Variants in CHMP3 observed in about 807,000 individuals in gnomAD.
The protein encoded by CHMP3 is 25.1 protein.
CHMP3 carries 8 observed loss-of-function variants against 27.4 expected under a neutral mutation model. That is an observed-to-expected ratio of 0.29 (90% CI 0.17 to 0.53). CHMP3 has a LOEUF of 0.53. CHMP3 is among the 20% of genes least tolerant of loss of function. CHMP3 has a pLI of 0.96. For missense variants in CHMP3, 208 were observed against 271.5 expected (o/e 0.77, Z 1.64); for synonymous variants, 86 against 85.5 (o/e 1.01, Z -0.03).
chr2:86,515,984 T>C (rs911630890), intron 3 of CHMP3, among the ~76,000 whole-genome samples: 3 of 151,338 alleles, frequency 2.0e-5, no homozygotes, highest in Non-Finnish European at 2.9e-5. Context: ...CCGTCTCCAC[T>C]AAAAAATACA....
At chr2:86,509,048 CA>C (rs1674991495) in intron 4 of CHMP3, among the ~76,000 whole-genome samples, 1 of 151,692 alleles carries the variant, frequency 6.6e-6, no homozygotes, top group Non-Finnish European at 1.5e-5. Context: ...CTGGGATAAA[CA>C]GAATGACTAA....
intron 2 of CHMP3, among the ~76,000 whole-genome samples, chr2:86,535,211 C>T (rs1011417052): frequency 4.1e-5 from 6 of 148,020 alleles, no homozygotes; most frequent in South Asian, 2.1e-4. Flanking sequence ...AGCTGTGTCA[C>T]GACGCTGCAC....
chr2:86,510,853 G>T lies in CHMP3; in HGVS notation c.287-374C>A, dbSNP rs1426291401. On this transcript the variant is annotated intron_variant, in intron 3 of 5. Coordinates refer to ENST00000263856, the MANE Select transcript of CHMP3 (RefSeq NM_016079.4). ...CACACTAGGAAAGAGAAGGCTTCAGGACCCGAGCAGAGCTCCCCACACACC... is the reference window on the plus strand; with the variant it reads ...CACACTAGGAAAGAGAAGGCTTCAGTACCCGAGCAGAGCTCCCCACACACC... 6.7e-5 allele frequency: 14 copies of T among 210,470 alleles called. No individual in the cohort carries two copies. The South Asian group carries it at 8.0e-4, about 12-fold the overall frequency. 13.0% of individuals were successfully genotyped at this position (210,470 alleles called of 1,614,324 possible). A position where few individuals can be genotyped will look rare whatever the true frequency, so the allele number is the denominator to read the frequency against.
At chr2:86,516,000 C>A (rs1482402421) in intron 3 of CHMP3, among the ~76,000 whole-genome samples, 1 of 151,774 alleles carries the variant, frequency 6.6e-6, no homozygotes, top group South Asian at 2.1e-4. Flanking sequence ...ATACAAAAAC[C>A]AGCTGGGTGT....
intron 1 of CHMP3, among the ~76,000 whole-genome samples, chr2:86,551,578 C>A (rs561711155): frequency 4.0e-4 from 61 of 152,236 alleles, no homozygotes; most frequent in Non-Finnish European, 7.4e-4. Flanking sequence ...TTTTTATACT[C>A]CCCAACCACA....
At chr2:86,562,014 A>G (rs948206790) in intron 1 of CHMP3, 1 of 152,248 alleles carries the variant, frequency 6.6e-6, no homozygotes, top group Non-Finnish European at 1.5e-5. Context: ...GTGCATCTAT[A>G]TAATGTTCTA....
At chr2:86,532,887 T>C (rs1675983160) in intron 2 of CHMP3, among the ~76,000 whole-genome samples, 2 of 152,260 alleles carry the variant, frequency 1.3e-5, no homozygotes, top group Non-Finnish European at 1.5e-5. Context: ...CACTGGTCTA[T>C]AGTTTTCTTG....
At chr2:86,534,399 T>G (rs1183372202) in intron 2 of CHMP3, among the ~76,000 whole-genome samples, 1 of 152,034 alleles carries the variant, frequency 6.6e-6, no homozygotes, top group African/African-American at 2.4e-5. Context: ...TTTTGCCAAG[T>G]TGGCCAGGCT....
chr2:86,527,875 C>T (rs1573261708), intron 3 of CHMP3, among the ~76,000 whole-genome samples: 1 of 143,646 alleles, frequency 7.0e-6, no homozygotes, highest in Non-Finnish European at 1.5e-5. Context: ...GCGGGCGAAT[C>T]GCTTGAGCCT....
At chr2:86,544,743 T>C (rs2103993202) in intron 1 of CHMP3, among the ~76,000 whole-genome samples, 1 of 152,372 alleles carries the variant, frequency 6.6e-6, no homozygotes, top group Non-Finnish European at 1.5e-5. Context: ...TGTCTACTTC[T>C]TTCTACACAG....
At chr2:86,533,539 C>A (rs375007772) in intron 2 of CHMP3, among the ~76,000 whole-genome samples, 3 of 151,898 alleles carry the variant, frequency 2.0e-5, no homozygotes, top group Admixed American at 2.0e-4. Flanking sequence ...GTTTCACTCC[C>A]GTCACCCAGG....
intron 3 of CHMP3, among the ~76,000 whole-genome samples, chr2:86,528,107 T>C (rs1427966991): frequency 2.6e-5 from 4 of 152,158 alleles, no homozygotes; most frequent in Non-Finnish European, 4.4e-5. Context: ...TAATGATACA[T>C]TCATGGTTAG....
chr2:86,558,099 C>T (rs1677196533), intron 1 of CHMP3, among the ~76,000 whole-genome samples: 1 of 152,134 alleles, frequency 6.6e-6, no homozygotes, highest in African/African-American at 2.4e-5. Context: ...GGGCACTCTA[C>T]CCCAAGACTA....
chr2:86,511,991 A>G (rs967312521), intron 3 of CHMP3: 3 of 152,222 alleles, frequency 2.0e-5, no homozygotes, highest in African/African-American at 7.2e-5. Flanking sequence ...ACACAAAAAT[A>G]AACTTAGAAA....
intron 1 of CHMP3, among the ~76,000 whole-genome samples, chr2:86,549,633 G>A (rs1288057386): frequency 2.0e-5 from 3 of 149,228 alleles, no homozygotes; most frequent in African/African-American, 5.0e-5. Context: ...TCACCTCCCA[G>A]ACGGGGCGGC....
rs905243800 is a variant in CHMP3, at chr2:86,504,471, TAGG to T, written c.*1330_*1332del. ...ACTCTGAAGATGAAATCAAGAGTAATAGGAGGGTCCTCTGGACTCAAAAATGAA... is the reference window on the plus strand; with the variant it reads ...ACTCTGAAGATGAAATCAAGAGTAATAGGGTCCTCTGGACTCAAAAATGAA... On this transcript the variant is annotated 3_prime_UTR_variant, in exon 6 of 6. Coordinates refer to ENST00000263856, the MANE Select transcript of CHMP3 (RefSeq NM_016079.4). 2.6e-5 allele frequency: 4 copies of T among 151,070 alleles called. No individual in the cohort carries two copies. Among genetic ancestry groups the T allele is most frequent in the Non-Finnish European group, 5.9e-5 (4 of 67,914 alleles). 9.4% of individuals were successfully genotyped at this position (151,070 alleles called of 1,614,324 possible).
chr2:86,511,622 A>C (rs1310893543), intron 3 of CHMP3: 1 of 151,920 alleles, frequency 6.6e-6, no homozygotes, highest in Non-Finnish European at 1.5e-5. Context: ...TGGGAAGAAA[A>C]GGGTAAAAAT....
At position 86,536,946 on chromosome 2, in the gene CHMP3, G is replaced by T. The variant is rs117221764; in HGVS notation, c.106+5306C>A. On this transcript the variant is annotated intron_variant, in intron 2 of 5. Coordinates refer to ENST00000263856, the MANE Select transcript of CHMP3 (RefSeq NM_016079.4). ...CTTGCTCTGTTGCCCATGCTGGAGT[G>T]CAATGGCATGATCATGGCTTACTAC... is the stretch of plus-strand genomic sequence containing the variant. Among the ~76,000 whole-genome samples, 237 of 151,990 alleles carry T rather than the reference G, an allele frequency of 1.6e-3. 1 individual carries two copies. In the East Asian group the frequency reaches 0.028, roughly 18 times the overall value.
chr2:86,535,008 G>A (rs1463503365), intron 2 of CHMP3, among the ~76,000 whole-genome samples: 2 of 152,086 alleles, frequency 1.3e-5, no homozygotes, highest in Non-Finnish European at 2.9e-5. Context: ...TGTAATCCTA[G>A]CACTTTGGGA....
Sources: gnomAD v4.1 joint callset for allele counts (sites outside exome capture counted in the v4.1 genomes callset) on GRCh38, gnomAD v4.1.1 for gene constraint, MANE v1.5 for transcripts, NCBI Gene and HGNC (gene_info 2026-07-23, HGNC 2026-07-21) for gene names.